Variants in PCDHGA7 observed in about 807,000 individuals in gnomAD.
PCDHGA7 encodes protocadherin gamma subfamily A, 7, also known as protocadherin gamma-A7.
In PCDHGA7, 44 loss-of-function variants were observed where a neutral mutation model predicts 58.3. The ratio of observed to expected loss-of-function variants is 0.75; its 90% confidence interval spans 0.59 to 0.97. PCDHGA7 has a LOEUF of 0.97. Among genes scored for constraint, PCDHGA7 ranks in the 50% least tolerant of loss-of-function variants. PCDHGA7 has a pLI of 0.00. For synonymous variants in PCDHGA7, 516 were observed against 504.2 expected, an observed-to-expected ratio of 1.02 and a Z score of -0.31; for missense variants, 1,266 against 1,188.7, an observed-to-expected ratio of 1.06 and a Z score of -0.96.
rs539878473 is a variant in PCDHGA7 at position 141,501,595 on chromosome 5, C to T, written c.2484-3798C>T. Reference sequence around the variant, plus strand: ...GCTGGCTTTCAGGTTGCAACTCTACCAGTTCCAGCTGTGTGACTCTGGTAT... The same window carrying T: ...GCTGGCTTTCAGGTTGCAACTCTACTAGTTCCAGCTGTGTGACTCTGGTAT... On this transcript the variant is annotated intron_variant, in intron 2 of 3. Coordinates refer to ENST00000518325, the MANE Select transcript of PCDHGA7 (RefSeq NM_018920.4). Among the ~76,000 whole-genome samples the T allele has an allele frequency of 9.9e-5, 15 of 152,164 alleles. No homozygotes were observed. In the East Asian group the frequency reaches 2.9e-3, roughly 30 times the overall value.
chr5:141,478,514 G>A, intron 1 of PCDHGA7: 2 of 1,611,534 alleles, frequency 1.2e-6, no homozygotes, highest in Non-Finnish European at 1.7e-6. Context: ...CTATAGGCAG[G>A]TGTTGGGTGC....
chr5:141,490,793 C>T lies in PCDHGA7; in HGVS notation c.2425-4014C>T, dbSNP rs2233608. 6 of 1,613,812 alleles carry T rather than the reference C, an allele frequency of 3.7e-6. No homozygotes were observed. The East Asian group carries it at 1.3e-4, about 36-fold the overall frequency. On this transcript the variant is annotated intron_variant, in intron 1 of 3. Transcript: ENST00000518325. This position sits in a 1 kb window ranked among gnomAD's most constrained non-coding sequence, Gnocchi z 5.4. Reference sequence around the variant, plus strand: ...AACCCAGAGGATGGACGGATCTTTGCCCAGCGTACCTTTGACTATGAATTG... The same window carrying T: ...AACCCAGAGGATGGACGGATCTTTGTCCAGCGTACCTTTGACTATGAATTG...
intron 1 of PCDHGA7, chr5:141,478,197 T>G (rs2099437910): frequency 6.2e-7 from 1 of 1,613,956 alleles, no homozygotes; most frequent in Admixed American, 1.7e-5. Context: ...ACCTTTTATC[T>G]ACTTCTTTCT....
At chr5:141,492,548 C>A (rs1028674110) in intron 1 of PCDHGA7, among the ~76,000 whole-genome samples, 1 of 152,218 alleles carries the variant, frequency 6.6e-6, no homozygotes, top group Non-Finnish European at 1.5e-5. Flanking sequence ...TGGGCCGGGT[C>A]GCCTGGGGGG....
In PCDHGA7 at chr5:141,491,257, G is replaced by A. The variant is rs754721047; in HGVS notation, c.2425-3550G>A. 2 of 1,614,170 alleles carry A rather than the reference G, an allele frequency of 1.2e-6. No individual in the cohort carries two copies. The highest frequency in any genetic ancestry group is 3.3e-5 in the Admixed American group (2 of 60,020). On this transcript the variant is annotated intron_variant, in intron 1 of 3. Coordinates refer to ENST00000518325, the MANE Select transcript of PCDHGA7 (RefSeq NM_018920.4). This position sits in a 1 kb window ranked among gnomAD's most constrained non-coding sequence, Gnocchi z 6.9. ...GGTTCTGGAGGATGAGGACCCTGAG[G>A]AAATGCCCAAATCCAGTGACTTCCT... is the stretch of plus-strand genomic sequence containing the variant.
intron 1 of PCDHGA7, chr5:141,422,266 G>A (rs1393466157): frequency 6.4e-7 from 1 of 1,563,654 alleles, no homozygotes; most frequent in Non-Finnish European, 8.6e-7. Context: ...TAACGCTCCA[G>A]AAATAACTAT....
chr5:141,436,051 A>G (rs2097793554), intron 1 of PCDHGA7, among the ~76,000 whole-genome samples: 1 of 152,194 alleles, frequency 6.6e-6, no homozygotes, highest in Admixed American at 6.5e-5. Flanking sequence ...ATTAGTTTTC[A>G]AATAGAATTT....
intron 1 of PCDHGA7, among the ~76,000 whole-genome samples, chr5:141,483,207 A>C (rs1225621725): frequency 6.6e-6 from 1 of 152,224 alleles, no homozygotes; most frequent in African/African-American, 2.4e-5. Flanking sequence ...TATTCCATAT[A>C]GATGACAGTC....
At chr5:141,449,726 TTTTTTATGACATGATTA>T (rs2098653732) in intron 1 of PCDHGA7, among the ~76,000 whole-genome samples, 1 of 151,792 alleles carries the variant, frequency 6.6e-6, no homozygotes, top group Admixed American at 6.6e-5. Flanking sequence ...ATGATATGAT[TTTTTTATGACATGATTA>T]TTTTTATGAC....
At chr5:141,405,188 G>T (rs2094622261) in intron 1 of PCDHGA7, 1 of 1,613,954 alleles carries the variant, frequency 6.2e-7, no homozygotes, top group African/African-American at 1.3e-5. Context: ...TGTAGATGGG[G>T]TTCGAGCTTT....
intron 1 of PCDHGA7, among the ~76,000 whole-genome samples, chr5:141,450,025 G>C (rs963999877): frequency 2.7e-5 from 1 of 36,752 alleles, no homozygotes; most frequent in Non-Finnish European, 5.4e-5. Context: ...TTTTTTTTTT[G>C]AGACAGGGTC....
chr5:141,468,374 C>T (rs1340499708), intron 1 of PCDHGA7: 2 of 150,736 alleles, frequency 1.3e-5, no homozygotes, highest in Non-Finnish European at 3.0e-5. Context: ...ATAACTCAGC[C>T]ATACAAGGCT....
intron 1 of PCDHGA7, chr5:141,397,891 A>G: frequency 3.2e-6 from 2 of 631,130 alleles, no homozygotes; most frequent in Non-Finnish European, 5.3e-6. Context: ...CTGTTGGCCA[A>G]AGTGCAGAGC....
In PCDHGA7 at chr5:141,383,374, G is replaced by A. The variant is rs911594122; in HGVS notation, c.475G>A (p.Asp159Asn). 6.2e-7 allele frequency: 1 copy of A among 1,614,028 alleles called. No individual in the cohort carries two copies. Among genetic ancestry groups the A allele is most frequent in the Non-Finnish European group, 8.5e-7 (1 of 1,179,906 alleles). The change falls in exon 1 of 4, where the codon GAT becomes AAT. Residue 159 changes from aspartate to asparagine, a missense_variant. Transcript: ENST00000518325. ...TCGGTTTCCGTTAAGCGAGGCTGGGGATCCAGATGTGGGCACGAACTCCCT... is the reference window on the plus strand; with the variant it reads ...TCGGTTTCCGTTAAGCGAGGCTGGGAATCCAGATGTGGGCACGAACTCCCT... ...GVRFPLSEAG[D>N]PDVGTNSLQS... is the part of the protein sequence containing the mutation.
chr5:141,409,883 C>CGGGTGCTGTACCCAGCTCT, intron 1 of PCDHGA7: 1 of 1,612,988 alleles, frequency 6.2e-7, no homozygotes, highest in Non-Finnish European at 8.5e-7. Context: ...CAACGCACCG[C>CGGGTGCTGTACCCAGCTCT]GGGTGCTGTA....
rs2233607 is a variant in PCDHGA7 at position 141,490,647 on chromosome 5, G to A, written c.2425-4160G>A. The A allele has an allele frequency of 2.5e-3, 3,973 of 1,614,082 alleles. 41 individuals carry two copies. The African/African-American group carries it at 0.027, about 11-fold the overall frequency. ...CTTACATCCTAGAAAACCGGCCTCC[G>A]GGCTCCCTTCTTTGCACTGTGGCTG... is the stretch of plus-strand genomic sequence containing the variant. On this transcript the variant is annotated intron_variant, in intron 1 of 3. Transcript: ENST00000518325. The surrounding 1 kb of genome is among the most constrained non-coding windows in gnomAD (Gnocchi z 5.4).
chr5:141,492,461 G>T (rs1218833302), intron 1 of PCDHGA7, among the ~76,000 whole-genome samples: 1 of 152,212 alleles, frequency 6.6e-6, no homozygotes, highest in Non-Finnish European at 1.5e-5. Flanking sequence ...CGCGCCTGAG[G>T]GTCCCAGATC....
chr5:141,501,852 A>G (rs922276780), intron 2 of PCDHGA7, among the ~76,000 whole-genome samples: 2 of 151,924 alleles, frequency 1.3e-5, no homozygotes, highest in African/African-American at 4.8e-5. Context: ...TCAACCTTCA[A>G]CCATTTCCCA....
chr5:141,410,849 C>G, intron 1 of PCDHGA7: 1 of 136,716 alleles, frequency 7.3e-6, no homozygotes, highest in Non-Finnish European at 1.2e-5. Flanking sequence ...TTGTCTTTGT[C>G]TTTTTTTTTT....
Sources: gnomAD v4.1 joint callset for allele counts (sites outside exome capture counted in the v4.1 genomes callset) on GRCh38, gnomAD v4.1.1 for gene constraint, Gnocchi (gnomAD v3.1) non-coding constraint, MANE v1.5 for transcripts, NCBI Gene and HGNC (gene_info 2026-07-23, HGNC 2026-07-21) for gene names.